KIF3C: variants seen among roughly 807,000 people sequenced by gnomAD.
KIF3C encodes kinesin-like protein KIF3C.
In KIF3C, 12 loss-of-function variants were observed where a neutral mutation model predicts 67.7. The ratio of observed to expected loss-of-function variants is 0.18; its 90% CI spans 0.11 to 0.29. The LOEUF is 0.29. Ranked by LOEUF, KIF3C falls within the 10% of genes least tolerant of loss-of-function variation. The pLI is 1.00. For synonymous variants in KIF3C, 393 were observed against 426.2 expected (o/e 0.92, Z 0.96); for missense variants, 789 against 1,059.6 (o/e 0.74, Z 3.55).
At chr2:25,941,349 G>C (rs2149225969) in intron 5 of KIF3C, among the ~76,000 whole-genome samples, 1 of 151,840 alleles carries the variant, frequency 6.6e-6, no homozygotes, top group African/African-American at 2.4e-5. Context: ...AGGGTGGCTG[G>C]GGTTACAAAG....
chr2:25,972,483 C>T (rs1664308330), intron 1 of KIF3C, among the ~76,000 whole-genome samples: 1 of 152,194 alleles, frequency 6.6e-6, no homozygotes, highest in African/African-American at 2.4e-5. Flanking sequence ...TCACCAACAC[C>T]AAGAGGTCAT....
At chr2:25,963,142 A>ATC (rs1664042670) in intron 1 of KIF3C, among the ~76,000 whole-genome samples, 1 of 90,138 alleles carries the variant, frequency 1.1e-5, no homozygotes, top group Non-Finnish European at 2.1e-5. Flanking sequence ...ATATATATGC[A>ATC]TATATGTGTG....
chr2:25,955,522 T>A lies in KIF3C; in HGVS notation c.1770+19A>T. On this transcript the variant is annotated intron_variant, in intron 3 of 7. Transcript: ENST00000264712. This position sits in a 1 kb window ranked among gnomAD's most constrained non-coding sequence, Gnocchi z 5.0. ...TGGGCCTCCAGCACACCTTAACCGG[T>A]CCTGCTGCAGCGTCTCACCTTCTTG... The A allele has an allele frequency of 6.2e-7, 1 of 1,613,704 alleles. No individual in the cohort carries two copies. The highest frequency in any genetic ancestry group is 8.5e-7 in the Non-Finnish European group (1 of 1,179,768).
In KIF3C at chr2:25,954,344, G is replaced by A. The variant is rs751531467; in HGVS notation, c.1812C>T (p.Asp604=). Residue 604 remains aspartate (D), a synonymous_variant, in exon 4 of 8, where the codon GAC becomes GAT. Transcript: ENST00000264712. ...KLQAVKAEIQ[D]QHDEYIRVRQ... The stretch of plus-strand genomic sequence containing the variant: ...GCACGCGGATATACTCATCATGCTG[G>A]TCCTGGATCTCCGCCTTCACCGCCT... 6.2e-7 allele frequency: 1 copy of A among 1,614,082 alleles called. No homozygotes were observed. The highest frequency in any genetic ancestry group is 1.7e-5 in the Admixed American group (1 of 60,014).
At chr2:25,975,054 C>G (rs978403991) in intron 1 of KIF3C, among the ~76,000 whole-genome samples, 1 of 137,572 alleles carries the variant, frequency 7.3e-6, no homozygotes, top group African/African-American at 2.9e-5. Flanking sequence ...GACCCAATCT[C>G]CATTTCCAGT....
At chr2:25,929,904 C>T (rs1200220179) in intron 6 of KIF3C, 51 bp downstream of exon 6, 1 of 1,316,456 alleles carries the variant, frequency 7.6e-7, no homozygotes, top group Non-Finnish European at 1.1e-6. Flanking sequence ...GTGTGAGACA[C>T]CTCGCCCGGC....
chr2:25,931,051 C>A (rs1162608778), intron 5 of KIF3C, among the ~76,000 whole-genome samples: 1 of 152,070 alleles, frequency 6.6e-6, no homozygotes, highest in African/African-American at 2.4e-5. Context: ...AACATATACA[C>A]CTGCTATGTA....
In KIF3C at chr2:25,956,407, A is replaced by G. The variant is rs1321997641; in HGVS notation, c.1583T>C (p.Ile528Thr). ...CTGCTGTTCGTTGGTGTGATCCATG[A>G]TGTTCCTGCCCCCGATGAGGAGCTT... ...ESKLLIGGRN[I>T]MDHTNEQQKM... Residue 528 changes from isoleucine to threonine, a missense_variant, in exon 2 of 8, where the codon ATC becomes ACC. This residue lies in a region of KIF3C where 648 missense variants were observed against 807.8 expected (regional missense o/e 0.80). Transcript: ENST00000264712. The G allele has an allele frequency of 1.2e-6, 2 of 1,614,122 alleles. No homozygotes were observed. Among genetic ancestry groups the G allele is most frequent in the Admixed American group, 1.7e-5 (1 of 60,022 alleles).
chr2:25,936,175 A>G (rs1383711494), intron 5 of KIF3C, among the ~76,000 whole-genome samples: 1 of 152,162 alleles, frequency 6.6e-6, no homozygotes, highest in Non-Finnish European at 1.5e-5. Flanking sequence ...TATTAATAAA[A>G]GAGCAAATAA....
intron 5 of KIF3C, among the ~76,000 whole-genome samples, chr2:25,935,900 AC>A (rs1269532036): frequency 6.7e-6 from 1 of 150,342 alleles, no homozygotes; most frequent in Non-Finnish European, 1.5e-5. Flanking sequence ...ACACGGTGAA[AC>A]CCCATCTCTA....
intron 5 of KIF3C, among the ~76,000 whole-genome samples, chr2:25,937,544 A>G (rs2149223987): frequency 6.6e-6 from 1 of 152,316 alleles, no homozygotes; most frequent in South Asian, 2.1e-4. Context: ...CTGGAAATGC[A>G]GAGCCATCCC....
Position 25,958,322 on chromosome 2 carries a change from C to T in KIF3C, c.1546-1878G>A, listed in dbSNP as rs572994068. Reference sequence around the variant, plus strand: ...TGGGCTGGGGACGGTGGCTCATGCCCGTAATCCCAGCACTTTGGGAAGTTG... The same window carrying T: ...TGGGCTGGGGACGGTGGCTCATGCCTGTAATCCCAGCACTTTGGGAAGTTG... On this transcript the variant is annotated intron_variant, in intron 1 of 7. Coordinates refer to ENST00000264712, the MANE Select transcript of KIF3C (RefSeq NM_002254.8). This position sits in a 1 kb window ranked among gnomAD's most constrained non-coding sequence, Gnocchi z 4.5. Among the ~76,000 whole-genome samples, 52 of 152,194 alleles carry T rather than the reference C, an allele frequency of 3.4e-4. No individual in the cohort carries two copies. Among genetic ancestry groups the T allele is most frequent in the African/African-American group, 1.2e-3 (50 of 41,534 alleles).
chr2:25,949,746 G>A (rs1663546627), intron 5 of KIF3C, among the ~76,000 whole-genome samples: 3 of 151,892 alleles, frequency 2.0e-5, no homozygotes, highest in Admixed American at 6.6e-5. Context: ...GAGGCAGGTG[G>A]ATCACTTGAG....
chr2:25,939,882 G>A lies in KIF3C; in HGVS notation c.2007-9819C>T, dbSNP rs148986898. ...CAAGAATCGCTTGAACCTGTGAGGT[G>A]GAGGTTGCAGTGAGCCAAGATCGTG... On this transcript the variant is annotated intron_variant, in intron 5 of 7. Transcript: ENST00000264712. Among the ~76,000 whole-genome samples, 88 of 152,104 alleles carry A rather than the reference G, an allele frequency of 5.8e-4. 1 individual carries two copies. In the East Asian group the frequency reaches 0.015, roughly 26 times the overall value.
chr2:25,954,027 G>C (rs1290210979), intron 4 of KIF3C: 2 of 501,494 alleles, frequency 4.0e-6, no homozygotes, highest in African/African-American at 3.9e-5. Flanking sequence ...GGTAGCCTCA[G>C]GGCCTTCGGA....
At chr2:25,969,208 T>C (rs1664217334) in intron 1 of KIF3C, among the ~76,000 whole-genome samples, 1 of 152,214 alleles carries the variant, frequency 6.6e-6, no homozygotes, top group South Asian at 2.1e-4. Flanking sequence ...TAACTGAGTA[T>C]AATTGAGCAT....
rs1339682497 is a variant in KIF3C, at chr2:25,982,146, C to T, written c.-229G>A. The T allele has an allele frequency of 6.7e-6, 3 of 450,154 alleles. No individual in the cohort carries two copies. Among genetic ancestry groups the T allele is most frequent in the Non-Finnish European group, 1.2e-5 (3 of 256,256 alleles). The allele number at this position is 450,154 out of a possible 1,614,324, so 27.9% of individuals were successfully genotyped here. ...TGCACCGGCTGGGAGGTGAATTAGG[C>T]AGAATCCCCCAGTCGCCGCGGGAGC... On this transcript the variant is annotated 5_prime_UTR_variant, in exon 1 of 8. Transcript: ENST00000264712.
At position 25,929,424 on chromosome 2, in the gene KIF3C, C is replaced by G; in HGVS notation, c.2169G>C (p.Glu723Asp). The G allele has an allele frequency of 1.2e-6, 2 of 1,614,124 alleles. No homozygotes were observed. The highest frequency in any genetic ancestry group is 3.3e-5 in the Admixed American group (2 of 60,006). ...ELDVSPPAVF[E>D]MEFSHDQEQD... Reference sequence around the variant, plus strand: ...GTTCTTGGTCGTGAGAGAATTCCATCTCAAAGACAGCTGGAGGGGACACAT... The same window carrying G: ...GTTCTTGGTCGTGAGAGAATTCCATGTCAAAGACAGCTGGAGGGGACACAT... The change falls in exon 7 of 8, where the codon GAG becomes GAC. Residue 723 changes from glutamate (E) to aspartate (D), a missense_variant. Around this residue, in one of 2 missense-constraint regions of KIF3C, gnomAD observed 648 missense variants for 807.8 expected, o/e 0.80. Coordinates refer to ENST00000264712, the MANE Select transcript of KIF3C (RefSeq NM_002254.8).
chr2:25,927,067 C>G lies in KIF3C; in HGVS notation c.*1911G>C, dbSNP rs113750012. 1 of 152,820 alleles carries G rather than the reference C, an allele frequency of 6.5e-6. No individual in the cohort carries two copies. Among genetic ancestry groups the G allele is most frequent in the South Asian group, 2.1e-4 (1 of 4,834 alleles). 9.5% of individuals were successfully genotyped at this position (152,820 alleles called of 1,614,324 possible). A position where few individuals can be genotyped will look rare whatever the true frequency, so the allele number is the denominator to read the frequency against. Reference sequence around the variant, plus strand: ...ACACACATACACACATACACAAAACCGCAGGCAGGAGCTCCTCCTCCGACC... The same window carrying G: ...ACACACATACACACATACACAAAACGGCAGGCAGGAGCTCCTCCTCCGACC... On this transcript the variant is annotated 3_prime_UTR_variant, in exon 8 of 8. Transcript: ENST00000264712.
Sources: gnomAD v4.1 joint callset for allele counts (sites outside exome capture counted in the v4.1 genomes callset) on GRCh38, gnomAD v4.1.1 for gene constraint, gnomAD v4.1.1 regional missense constraint, Gnocchi (gnomAD v3.1) non-coding constraint, MANE v1.5 for transcripts, NCBI Gene and HGNC (gene_info 2026-07-23, HGNC 2026-07-21) for gene names.